TEAD4: variants seen among roughly 807,000 people sequenced by gnomAD.
TEAD4 encodes TEA domain transcription factor 4.
TEAD4 carries 36 observed loss-of-function variants against 52.4 expected under a neutral mutation model. The observed-to-expected ratio is 0.69, with a 90% CI of 0.53 to 0.91. TEAD4 has a LOEUF of 0.91. TEAD4 is among the 40% of genes least tolerant of loss of function. TEAD4 has a pLI of 0.00. For synonymous variants in TEAD4, 220 were observed against 231.0 expected (o/e 0.95, Z 0.43); for missense variants, 508 against 583.9 (o/e 0.87, Z 1.34).
chr12:2,986,029 T>A (rs1259421757), intron 2 of TEAD4, among the ~76,000 whole-genome samples: 1 of 151,824 alleles, frequency 6.6e-6, no homozygotes, highest in Admixed American at 6.6e-5. Flanking sequence ...GAGGTTGCAG[T>A]GAGCTGAGAT....
chr12:3,010,341 T>C (rs60232504), intron 3 of TEAD4, among the ~76,000 whole-genome samples: 7,299 of 152,318 alleles, frequency 0.048, 565 homozygotes, highest in African/African-American at 0.16. Context: ...GCTTCAGGCG[T>C]AGCAGCAGTC....
intron 2 of TEAD4, among the ~76,000 whole-genome samples, chr12:2,972,435 G>A (rs2098225895): frequency 6.8e-6 from 1 of 147,218 alleles, no homozygotes; most frequent in South Asian, 2.2e-4. Flanking sequence ...GGCAGGATAA[G>A]AAGGTCTTAT....
intron 5 of TEAD4, among the ~76,000 whole-genome samples, chr12:3,014,849 G>A (rs1283928094): frequency 6.6e-6 from 1 of 152,202 alleles, no homozygotes; most frequent in Non-Finnish European, 1.5e-5. Flanking sequence ...TATCCAGGAA[G>A]GCAGGCACTG....
intron 10 of TEAD4, among the ~76,000 whole-genome samples, chr12:3,035,535 A>C (rs1211126317): frequency 6.6e-6 from 1 of 152,114 alleles, no homozygotes; most frequent in Admixed American, 6.5e-5. Flanking sequence ...AGAAAATAGG[A>C]GACAGGCCAG....
chr12:2,987,039 C>T (rs769998799), intron 2 of TEAD4, among the ~76,000 whole-genome samples: 6 of 152,060 alleles, frequency 3.9e-5, no homozygotes, highest in African/African-American at 1.4e-4. Context: ...GAGAGAGAGC[C>T]GAGGAGGTGG....
chr12:3,034,035 C>A lies in TEAD4; in HGVS notation c.898-3933C>A, dbSNP rs1166202824. On this transcript the variant is annotated intron_variant, in intron 10 of 12. Coordinates refer to ENST00000359864, the MANE Select transcript of TEAD4 (RefSeq NM_003213.4). ...TGAGTTCTGGGGCTGATTGTGGGAT[C>A]TCTCTTTCTCCCCCTGACCCATTGC... Among the ~76,000 whole-genome samples, 3 of 151,422 alleles carry A rather than the reference C, an allele frequency of 2.0e-5. 1 individual carries two copies. Among genetic ancestry groups the A allele is most frequent in the African/African-American group, 7.4e-5 (3 of 40,742 alleles).
At chr12:3,013,359 C>T (rs1184211203) in intron 5 of TEAD4, among the ~76,000 whole-genome samples, 1 of 151,392 alleles carries the variant, frequency 6.6e-6, no homozygotes, top group Non-Finnish European at 1.5e-5. Flanking sequence ...CTGGTCAAAG[C>T]TAGGTTGGCA....
At chr12:2,993,868 A>G (rs1206186265) in intron 2 of TEAD4, among the ~76,000 whole-genome samples, 2 of 152,142 alleles carry the variant, frequency 1.3e-5, no homozygotes, top group African/African-American at 4.8e-5. Flanking sequence ...TAATGTCCTA[A>G]AGGTCCGTCT....
intron 10 of TEAD4, among the ~76,000 whole-genome samples, chr12:3,023,491 C>T (rs547098566): frequency 7.2e-5 from 11 of 152,024 alleles, no homozygotes; most frequent in African/African-American, 2.2e-4. Flanking sequence ...CCTTATTTAA[C>T]GAAAGAGAAT....
rs1269126343 is a variant in TEAD4, at chr12:3,003,032, C to T, written c.227-7972C>T. ...GTTGATCCCTGGATAGCTGCACCCC[C>T]AACACACACACCCTGGCCCCCGCTT... is the stretch of plus-strand genomic sequence containing the variant. On this transcript the variant is annotated intron_variant, in intron 3 of 12. Transcript: ENST00000359864. Among the ~76,000 whole-genome samples, 3 of 152,306 alleles carry T rather than the reference C, an allele frequency of 2.0e-5. No homozygotes were observed. The East Asian group carries it at 5.8e-4, about 29-fold the overall frequency.
chr12:3,025,631 G>A (rs561867327), intron 10 of TEAD4, among the ~76,000 whole-genome samples: 50 of 152,074 alleles, frequency 3.3e-4, no homozygotes, highest in Admixed American at 1.2e-3. Context: ...CCACCTCCCA[G>A]GTTCAAGCAA....
At chr12:3,039,061 G>A (rs1047962296) in intron 11 of TEAD4, among the ~76,000 whole-genome samples, 22 of 152,250 alleles carry the variant, frequency 1.4e-4, no homozygotes, top group Admixed American at 1.4e-3. Flanking sequence ...GTTATTGATA[G>A]CCTTCCTCAT....
intron 3 of TEAD4, among the ~76,000 whole-genome samples, chr12:3,008,320 G>A (rs2098257533): frequency 6.6e-6 from 1 of 152,182 alleles, no homozygotes; most frequent in South Asian, 2.1e-4. Flanking sequence ...GGAAGCACAA[G>A]GACCATAGTG....
chr12:3,010,627 T>C (rs913218611), intron 3 of TEAD4, among the ~76,000 whole-genome samples: 1 of 152,180 alleles, frequency 6.6e-6, no homozygotes, highest in African/African-American at 2.4e-5. Flanking sequence ...GGCAGCTCCC[T>C]GGAGCCTCCC....
intron 5 of TEAD4, 111 bp from the exon 6 acceptor site, chr12:3,017,287 A>G (rs1179147049): frequency 1.4e-6 from 2 of 1,432,488 alleles, no homozygotes; most frequent in Admixed American, 4.1e-5. Context: ...CTGGTCCCCC[A>G]GCTCTGGCCA....
chr12:3,015,166 A>C (rs985263635), intron 5 of TEAD4, among the ~76,000 whole-genome samples: 1 of 152,162 alleles, frequency 6.6e-6, no homozygotes, highest in Non-Finnish European at 1.5e-5. Context: ...TGCTTTGTCC[A>C]CATCGACAAT....
At chr12:3,023,682 T>G (rs2098270184) in intron 10 of TEAD4, among the ~76,000 whole-genome samples, 1 of 149,060 alleles carries the variant, frequency 6.7e-6, no homozygotes, top group Admixed American at 6.8e-5. Context: ...TCCCAGCTAC[T>G]CAAGAGGCTG....
chr12:2,963,205 C>G (rs373350860), intron 2 of TEAD4, among the ~76,000 whole-genome samples: 17 of 152,322 alleles, frequency 1.1e-4, no homozygotes, highest in African/African-American at 3.8e-4. Context: ...TTGCAAATGT[C>G]ACAACCTCCT....
chr12:2,987,184 G>T (rs2098239211), intron 2 of TEAD4, among the ~76,000 whole-genome samples: 1 of 152,268 alleles, frequency 6.6e-6, no homozygotes, highest in East Asian at 1.9e-4. Context: ...CAGATTTGGG[G>T]ATTAAACCAA....
Sources: gnomAD v4.1 joint callset for allele counts (sites outside exome capture counted in the v4.1 genomes callset) on GRCh38, gnomAD v4.1.1 for gene constraint, MANE v1.5 for transcripts, NCBI Gene and HGNC (gene_info 2026-07-23, HGNC 2026-07-21) for gene names.